VWDE: variants seen among roughly 807,000 people sequenced by gnomAD.
VWDE encodes the protein von Willebrand factor D and EGF domains.
Under a neutral mutation model 178.4 loss-of-function variants are expected in VWDE, and 207 were observed. The ratio of observed to expected loss-of-function variants is 1.16; its 90% CI spans 1.04 to 1.30. The LOEUF (loss-of-function observed/expected upper bound fraction) is 1.30, where lower values mean the gene tolerates loss of function less well. Among genes scored for constraint, VWDE ranks in the 50% most tolerant of loss-of-function variants. The pLI is 0.00. For synonymous variants in VWDE, 738 were observed against 651.4 expected (o/e 1.13, Z -2.02); for missense variants, 2,287 against 1,901.3 (o/e 1.20, Z -3.77).
chr7:12,401,915 A>T (rs1305196913), intron 1 of VWDE, among the ~76,000 whole-genome samples: 2 of 152,224 alleles, frequency 1.3e-5, no homozygotes, highest in African/African-American at 2.4e-5. Context: ...AAATGAATGT[A>T]CATACAAAAT....
chr7:12,360,008 C>T (rs1782486413), intron 15 of VWDE, among the ~76,000 whole-genome samples: 2 of 152,106 alleles, frequency 1.3e-5, no homozygotes, highest in Non-Finnish European at 2.9e-5. Context: ...CCTAGGAGTG[C>T]TTTATTCATA....
chr7:12,402,487 A>T (rs1329226864), intron 1 of VWDE, among the ~76,000 whole-genome samples: 2 of 152,244 alleles, frequency 1.3e-5, no homozygotes, highest in African/African-American at 4.8e-5. Flanking sequence ...ATTTGTCTTC[A>T]GCAGAGAGAT....
chr7:12,403,629 G>T (rs951298976), intron 1 of VWDE, 30 bp downstream of exon 1: 2 of 1,529,744 alleles, frequency 1.3e-6, no homozygotes, highest in African/African-American at 1.4e-5. Flanking sequence ...GCCACTGCGC[G>T]CCCACCCCCG....
intron 3 of VWDE, among the ~76,000 whole-genome samples, chr7:12,388,161 A>T (rs918247434): frequency 2.6e-5 from 4 of 152,118 alleles, no homozygotes; most frequent in African/African-American, 9.7e-5. Flanking sequence ...GAACAGTACT[A>T]TTCAGGTATT....
chr7:12,369,149 A>T (rs1783014402), intron 12 of VWDE, among the ~76,000 whole-genome samples: 1 of 152,158 alleles, frequency 6.6e-6, no homozygotes, highest in Non-Finnish European at 1.5e-5. Context: ...TAAAAATACT[A>T]AATTTGAGTT....
At chr7:12,384,540 A>C (rs1169334290) in intron 3 of VWDE, among the ~76,000 whole-genome samples, 1 of 152,084 alleles carries the variant, frequency 6.6e-6, no homozygotes, top group Non-Finnish European at 1.5e-5. Flanking sequence ...CAATTATAAC[A>C]AATGTAGCAC....
chr7:12,386,753 G>C (rs1235238358), intron 3 of VWDE, among the ~76,000 whole-genome samples: 1 of 152,058 alleles, frequency 6.6e-6, no homozygotes, highest in East Asian at 1.9e-4. Context: ...CTCACCTTCA[G>C]TATTCTCTTC....
rs1400578501 is a variant in VWDE at position 12,370,696 on chromosome 7, G to T, written c.1756C>A (p.Gln586Lys). Residue 586 changes from glutamine to lysine, a missense_variant, in exon 11 of 29, where the codon CAA becomes AAA. By Grantham distance (53) the Gln-to-Lys change is moderately conservative. Coordinates refer to ENST00000275358, the MANE Select transcript of VWDE (RefSeq NM_001135924.3). Reference protein sequence around the residue: ...FHDKNGMQIDQNFNNYVAFIN... With the variant: ...FHDKNGMQIDKNFNNYVAFIN... ...AAAGCAACATAATTGTTAAAATTTTGATCAATTTGCATCCCATTTTTGTCA... is the reference window on the plus strand; with the variant it reads ...AAAGCAACATAATTGTTAAAATTTTTATCAATTTGCATCCCATTTTTGTCA... 6.4e-7 allele frequency: 1 copy of T among 1,550,958 alleles called. No homozygotes were observed. Among genetic ancestry groups the T allele is most frequent in the Non-Finnish European group, 8.7e-7 (1 of 1,146,626 alleles).
chr7:12,375,784 C>G (rs1783495176), intron 7 of VWDE, among the ~76,000 whole-genome samples: 2 of 151,948 alleles, frequency 1.3e-5, no homozygotes, highest in African/African-American at 4.8e-5. Context: ...TCTTTCACCT[C>G]CCAAATGTCC....
At position 12,356,203 on chromosome 7, in the gene VWDE, T is replaced by C; in HGVS notation, c.3653A>G (p.Asp1218Gly). Residue 1218 changes from aspartate (D) to glycine (G), a missense_variant, in exon 18 of 29, where the codon GAC becomes GGC. Physicochemically the swap from Asp to Gly is moderately conservative, Grantham distance 94. Transcript: ENST00000275358. ...AGGGTTGGATTGGCACCCACTAATG[T>C]CCACTTCACAAAGGCTGCCATGGAA... is the stretch of plus-strand genomic sequence containing the variant. ...PGFHGSLCEV[D>G]ISGCQSNPCG... The C allele has an allele frequency of 6.4e-7, 1 of 1,551,494 alleles. No homozygotes were observed. The highest frequency in any genetic ancestry group is 8.7e-7 in the Non-Finnish European group (1 of 1,146,946).
chr7:12,390,711 G>A lies in VWDE; in HGVS notation c.244-1353C>T, dbSNP rs374855343. Among the ~76,000 whole-genome samples, 8 of 151,696 alleles carry A rather than the reference G, an allele frequency of 5.3e-5. No individual in the cohort carries two copies. In the East Asian group the frequency reaches 5.8e-4, roughly 11 times the overall value. On this transcript the variant is annotated intron_variant, in intron 2 of 28. Transcript: ENST00000275358. ...TACAAATGGGCAAAATGTACAAATAGGTAATTCACAAAAGAAACACAAATG... is the reference window on the plus strand; with the variant it reads ...TACAAATGGGCAAAATGTACAAATAAGTAATTCACAAAAGAAACACAAATG...
chr7:12,370,570 T>C (rs1783128351), intron 11 of VWDE, 61 bp from the exon 12 acceptor site: 32 of 1,527,474 alleles, frequency 2.1e-5, no homozygotes, highest in Non-Finnish European at 2.6e-5. Flanking sequence ...TTTCCTAATA[T>C]GTGTTGCAAA....
rs1782561100 is a variant in VWDE at position 12,361,265 on chromosome 7, G to T, written c.3055-14C>A. The T allele has an allele frequency of 6.5e-7, 1 of 1,536,122 alleles. No individual in the cohort carries two copies. The highest frequency in any genetic ancestry group is 1.4e-5 in the African/African-American group (1 of 72,502). On this transcript the variant is annotated splice_polypyrimidine_tract_variant and intron_variant, in intron 14 of 28. Transcript: ENST00000275358. ...ATCATTAGATACCTGTAACATAATA[G>T]TTCTATAATAAGATGATTTGTTCTA...
chr7:12,389,340 G>C lies in VWDE; in HGVS notation c.262C>G (p.Gln88Glu). The C allele has an allele frequency of 6.5e-7, 1 of 1,547,458 alleles. No homozygotes were observed. The highest frequency in any genetic ancestry group is 8.7e-7 in the Non-Finnish European group (1 of 1,143,474). ...CTCAGAGACAGCCAGATGGGGGCCT[G>C]AGTTCCACAATGGTTCATCTTTTGC... is the stretch of plus-strand genomic sequence containing the variant. ...KCVEMNHCGTQAPIWLSLRDS... is the reference protein window; with the variant it reads ...KCVEMNHCGTEAPIWLSLRDS... Residue 88 changes from glutamine (Q) to glutamate (E), a missense_variant, in exon 3 of 29, where the codon CAG (glutamine) becomes GAG (glutamate). Transcript: ENST00000275358.
intron 2 of VWDE, among the ~76,000 whole-genome samples, chr7:12,391,570 T>C (rs1229505270): frequency 2.6e-5 from 4 of 152,206 alleles, no homozygotes; most frequent in Non-Finnish European, 1.5e-5. Flanking sequence ...GTGAAGTTCC[T>C]CCAATTTTCT....
rs748729012 is a variant in VWDE, at chr7:12,377,802, G to C, written c.998C>G (p.Ser333Ter). 1.3e-6 allele frequency: 2 copies of C among 1,510,042 alleles called. No homozygotes were observed. The highest frequency in any genetic ancestry group is 2.2e-5 in the Admixed American group (1 of 46,486). The allele number at this position is 1,510,042 out of a possible 1,614,324, so 93.5% of individuals were successfully genotyped here. ...FSELDQECKI[S>*]LKLKTIGQGR... ...TTGACCAATAGTTTTCAGTTTTAAT[G>C]AGATTTTGCATTCTTGATCAAGCTC... is the stretch of plus-strand genomic sequence containing the variant. The change falls in exon 7 of 29, where the codon TCA becomes TGA. Residue 333 changes from serine to a stop codon, truncating the protein, a stop_gained. Transcript: ENST00000275358. LOFTEE classifies it high-confidence loss of function.
At position 12,337,238 on chromosome 7, in the gene VWDE, G is replaced by T. The variant is rs1186412297; in HGVS notation, c.4401C>A (p.His1467Gln). 3.2e-6 allele frequency: 5 copies of T among 1,551,910 alleles called. No homozygotes were observed. The highest frequency in any genetic ancestry group is 4.4e-6 in the Non-Finnish European group (5 of 1,147,004). ...AGACGCACACATTATTTCTCATGCA[G>T]TGGCCACCATTCTTACAGGGAGGGT... ...FCHPPCKNGG[H>Q]CMRNNVCVCR... Residue 1467 changes from histidine to glutamine, a missense_variant, in exon 25 of 29, where the codon CAC becomes CAA. By Grantham distance (24) the His-to-Gln change is conservative. Transcript: ENST00000275358.
rs1305076440 is a variant in VWDE, at chr7:12,370,098, TC to T, written c.2207del (p.Gly736GlufsTer7). 1 of 1,551,588 alleles carries T rather than the reference TC, an allele frequency of 6.4e-7. No homozygotes were observed. The highest frequency in any genetic ancestry group is 2.4e-5 in the East Asian group (1 of 40,906). On this transcript the variant is annotated frameshift_variant, in exon 12 of 29. Transcript: ENST00000275358. LOFTEE classifies it high-confidence loss of function. ...TGTACCTCATTTCTTGGCTGTGGCT[TC>T]CCCGGCCTTGTGTATATTTCTTATT... The part of the protein sequence containing the change: ...LANKKYTQGR[G>X]SHSQEMRYNR...
At chr7:12,382,433 T>C (rs1783898047) in intron 4 of VWDE, among the ~76,000 whole-genome samples, 1 of 151,698 alleles carries the variant, frequency 6.6e-6, no homozygotes, top group Non-Finnish European at 1.5e-5. Flanking sequence ...TAATAGCTTG[T>C]GTAAAATATA....
Sources: gnomAD v4.1 joint callset for allele counts (sites outside exome capture counted in the v4.1 genomes callset) on GRCh38, gnomAD v4.1.1 for gene constraint, MANE v1.5 for transcripts, NCBI Gene and HGNC (gene_info 2026-07-23, HGNC 2026-07-21) for gene names.